The following UPRT variants were observed in gnomAD, a reference collection of about 807,000 sequenced individuals.
UPRT encodes the protein RP11-311P8.3.
UPRT carries 5 observed loss-of-function variants against 22.6 expected under a neutral mutation model. The observed-to-expected ratio is 0.22, with a 90% confidence interval of 0.12 to 0.47. The LOEUF is 0.47. UPRT is among the 20% of genes least tolerant of loss of function. UPRT has a pLI of 0.99. For missense variants in UPRT, 181 were observed against 239.9 expected (o/e 0.75, Z 1.62); for synonymous variants, 77 against 87.7 (o/e 0.88, Z 0.68).
chrX:75,280,125 T>G (rs1313708602), intron 1 of UPRT, among the ~76,000 whole-genome samples: 4 of 105,983 alleles, frequency 3.8e-5, no homozygotes, highest in Non-Finnish European at 7.8e-5. Context: ...GGATTGTTTG[T>G]TTTTTTTTTT....
At chrX:75,189,113 G>A (rs757402539) in intron 4 of UPRT, among the ~76,000 whole-genome samples, 1 of 112,140 alleles carries the variant, frequency 8.9e-6, no homozygotes, top group Non-Finnish European at 1.9e-5. Context: ...TCTCTTGTGG[G>A]CATTTAGTGC....
At chrX:75,217,104 G>C (rs2082395548) in intron 4 of UPRT, among the ~76,000 whole-genome samples, 1 of 111,962 alleles carries the variant, frequency 8.9e-6, no homozygotes, top group Non-Finnish European at 1.9e-5. Context: ...GCCTTGGTCT[G>C]AGAAGACCTG....
At chrX:75,172,417 G>A (rs1366989403) in intron 4 of UPRT, among the ~76,000 whole-genome samples, 1 of 111,549 alleles carries the variant, frequency 9.0e-6, no homozygotes, top group South Asian at 3.8e-4. Flanking sequence ...CCAAAAGGTC[G>A]GTCTGACTCC....
intron 6 of UPRT, 70 bp downstream of exon 6, chrX:75,301,035 C>A: frequency 1.3e-6 from 1 of 744,444 alleles, no homozygotes; most frequent in Non-Finnish European, 2.0e-6. Flanking sequence ...CATTTTCTAG[C>A]TTCTAATCCT....
Position 75,274,330 on chromosome X carries a change from C to T in UPRT, c.76C>T (p.Pro26Ser). ...AGTAAACTCTGCCTCAACCCCAAGT[C>T]CCGAGCAGCTGCGACCTGGCGATCT... The part of the protein sequence containing the change: ...QQVNSASTPS[P>S]EQLRPGDLIL... Residue 26 changes from proline (P) to serine (S), a missense_variant, in exon 1 of 7, where the codon CCC (proline) becomes TCC (serine). Around this residue, in one of 2 missense-constraint regions of UPRT, gnomAD observed 111 missense variants for 102.8 expected, o/e 1.08. Transcript: ENST00000373383. The T allele has an allele frequency of 8.3e-7, 1 of 1,211,802 alleles. No individual in the cohort carries two copies. The highest frequency in any genetic ancestry group is 1.1e-6 in the Non-Finnish European group (1 of 895,533).
At chrX:75,226,047 GTTC>G (rs1291709674) in intron 4 of UPRT, among the ~76,000 whole-genome samples, 2 of 111,492 alleles carry the variant, frequency 1.8e-5, no homozygotes, top group African/African-American at 3.3e-5. Flanking sequence ...TAAATAGAAT[GTTC>G]TTCTTTTTTA....
intron 4 of UPRT, among the ~76,000 whole-genome samples, chrX:75,249,384 AC>A (rs1292622750): frequency 9.0e-6 from 1 of 111,688 alleles, no homozygotes; most frequent in Non-Finnish European, 1.9e-5. Context: ...CAAATGGAAA[AC>A]AAAAAAAAGT....
intron 4 of UPRT, among the ~76,000 whole-genome samples, chrX:75,187,538 T>C (rs1372872094): frequency 3.6e-5 from 4 of 111,463 alleles, no homozygotes; most frequent in Non-Finnish European, 7.5e-5. Context: ...TTTGTGGCAT[T>C]CTCTGTATTT....
At chrX:75,213,199 C>T (rs73218183) in intron 4 of UPRT, among the ~76,000 whole-genome samples, 4,204 of 111,873 alleles carry the variant, frequency 0.038, 84 homozygotes, top group Non-Finnish European at 0.057. Context: ...CAGTAACATA[C>T]ATGATAGAGC....
chrX:75,236,052 T>A (rs997345336), intron 4 of UPRT, among the ~76,000 whole-genome samples: 2 of 111,100 alleles, frequency 1.8e-5, no homozygotes, highest in Non-Finnish European at 3.8e-5. Context: ...GTAAACCCCA[T>A]TGTCTGAGCC....
At chrX:75,176,366 G>A (rs6647093) in intron 4 of UPRT, among the ~76,000 whole-genome samples, 14,207 of 110,783 alleles carry the variant, frequency 0.13, 1,578 homozygotes, top group East Asian at 0.9. Context: ...AGCTAAAGCC[G>A]CATTCTTTTA....
intron 4 of UPRT, among the ~76,000 whole-genome samples, chrX:75,233,137 A>C (rs1295581752): frequency 1.8e-5 from 2 of 111,930 alleles, no homozygotes; most frequent in Non-Finnish European, 3.8e-5. Context: ...TACGTGAAGA[A>C]TGCAGAAGCC....
At chrX:75,288,660 C>A (rs950176938) in intron 1 of UPRT, among the ~76,000 whole-genome samples, 1 of 111,381 alleles carries the variant, frequency 9.0e-6, no homozygotes, top group African/African-American at 3.3e-5. Context: ...AAAATCATTT[C>A]TTAGTTATCA....
intron 4 of UPRT, among the ~76,000 whole-genome samples, chrX:75,234,335 T>C (rs1261371063): frequency 9.0e-6 from 1 of 110,993 alleles, no homozygotes; most frequent in African/African-American, 3.3e-5. Context: ...ACATTAATAA[T>C]GGGAGACTTT....
chrX:75,217,729 G>A (rs1288186955), intron 4 of UPRT, among the ~76,000 whole-genome samples: 15 of 111,666 alleles, frequency 1.3e-4, no homozygotes, highest in East Asian at 2.8e-4. Flanking sequence ...CAGAAATAAC[G>A]CCGCATATCT....
chrX:75,287,167 A>T (rs952527203), intron 1 of UPRT, among the ~76,000 whole-genome samples: 1 of 111,810 alleles, frequency 8.9e-6, no homozygotes, highest in African/African-American at 3.2e-5. Context: ...TGTAAAAAAA[A>T]GATGAGGGTT....
intron 4 of UPRT, among the ~76,000 whole-genome samples, chrX:75,215,030 C>A (rs2082389045): frequency 9.0e-6 from 1 of 111,038 alleles, no homozygotes; most frequent in African/African-American, 3.3e-5. Flanking sequence ...TTGAAAGTGA[C>A]AGGTAGTTTT....
intron 4 of UPRT, among the ~76,000 whole-genome samples, chrX:75,196,927 G>A (rs1029346504): frequency 2.1e-4 from 23 of 111,848 alleles, no homozygotes; most frequent in African/African-American, 6.8e-4. Flanking sequence ...TCTAGCTTTT[G>A]CAATGAGAGA....
intron 4 of UPRT, among the ~76,000 whole-genome samples, chrX:75,207,345 G>T (rs2082369939): frequency 8.9e-6 from 1 of 111,904 alleles, no homozygotes; most frequent in Non-Finnish European, 1.9e-5. Flanking sequence ...GGGTGAAAGA[G>T]CATTGGATTC....
Sources: gnomAD v4.1 joint callset for allele counts (sites outside exome capture counted in the v4.1 genomes callset) on GRCh38, gnomAD v4.1.1 for gene constraint, gnomAD v4.1.1 regional missense constraint, MANE v1.5 for transcripts, NCBI Gene and HGNC (gene_info 2026-07-23, HGNC 2026-07-21) for gene names.